KLHL2: variants seen among roughly 807,000 people sequenced by gnomAD.
KLHL2 encodes kelch-like protein 2.
In KLHL2, 15 loss-of-function variants were observed where a neutral mutation model predicts 75.8. The observed-to-expected ratio is 0.20, with a 90% CI of 0.13 to 0.30. The LOEUF is 0.30. Ranked by LOEUF, KLHL2 falls within the 10% of genes least tolerant of loss-of-function variation. The pLI, the probability that KLHL2 is intolerant of heterozygous loss-of-function variation, is 1.00. For missense variants in KLHL2, 381 were observed against 741.0 expected, an observed-to-expected ratio of 0.51 and a Z score of 5.64; for synonymous variants, 214 against 251.9, an observed-to-expected ratio of 0.85 and a Z score of 1.42.
At position 165,254,689 on chromosome 4, in the gene KLHL2, G is replaced by A. The variant is rs192740780; in HGVS notation, c.382-8508G>A. Reference sequence around the variant, plus strand: ...CTAGAAAGAAAAGTAAAAACATTTTGTATTGTAGTTATAAAATGCACTCTC... The same window carrying A: ...CTAGAAAGAAAAGTAAAAACATTTTATATTGTAGTTATAAAATGCACTCTC... On this transcript the variant is annotated intron_variant, in intron 4 of 14. Transcript: ENST00000226725. Among the ~76,000 whole-genome samples, 5 of 152,298 alleles carry A rather than the reference G, an allele frequency of 3.3e-5. No individual in the cohort carries two copies. The East Asian group carries it at 9.6e-4, about 29-fold the overall frequency.
chr4:165,304,974 G>A (rs1285713070), intron 8 of KLHL2, among the ~76,000 whole-genome samples: 1 of 152,140 alleles, frequency 6.6e-6, no homozygotes, highest in African/African-American at 2.4e-5. Context: ...ATTCTCAAAA[G>A]TAGACTTTTA....
At chr4:165,254,645 T>A (rs1741019608) in intron 4 of KLHL2, among the ~76,000 whole-genome samples, 1 of 152,202 alleles carries the variant, frequency 6.6e-6, no homozygotes, top group South Asian at 2.1e-4. Context: ...AAACATTTTG[T>A]TGTTTGAATT....
chr4:165,301,182 G>A (rs1429545160), intron 8 of KLHL2, among the ~76,000 whole-genome samples: 1 of 152,094 alleles, frequency 6.6e-6, no homozygotes, highest in African/African-American at 2.4e-5. Flanking sequence ...AAGTAGTTTG[G>A]CATATAACAT....
intron 5 of KLHL2, among the ~76,000 whole-genome samples, chr4:165,264,585 C>CATATAT (rs55960426): frequency 1.5e-4 from 20 of 129,404 alleles, no homozygotes; most frequent in South Asian, 4.9e-4. Context: ...AGTATTCCAT[C>CATATAT]ATATATATAT....
chr4:165,257,294 G>A (rs778249573), intron 4 of KLHL2, among the ~76,000 whole-genome samples: 1 of 152,244 alleles, frequency 6.6e-6, no homozygotes, highest in Non-Finnish European at 1.5e-5. Context: ...ATAGCTACAT[G>A]TGACGGGACC....
intron 4 of KLHL2, among the ~76,000 whole-genome samples, chr4:165,251,201 GTACT>G (rs1740674939): frequency 1.3e-5 from 2 of 151,220 alleles, no homozygotes; most frequent in Admixed American, 6.6e-5. Context: ...ATAACCATGG[GTACT>G]TATATCATTG....
chr4:165,290,135 T>C (rs1744398171), intron 5 of KLHL2, among the ~76,000 whole-genome samples: 1 of 152,124 alleles, frequency 6.6e-6, no homozygotes, highest in African/African-American at 2.4e-5. Flanking sequence ...TCTCAATATT[T>C]TAGAGCTCTT....
At chr4:165,317,737 C>A in intron 13 of KLHL2, 89 bp from the exon 14 acceptor site, 1 of 960,980 alleles carries the variant, frequency 1.0e-6, no homozygotes, top group Non-Finnish European at 1.6e-6. Context: ...AAATTAGTGT[C>A]TCTGGATTAC....
intron 4 of KLHL2, among the ~76,000 whole-genome samples, chr4:165,260,578 G>T (rs79178371): frequency 6.8e-6 from 1 of 147,686 alleles, no homozygotes; most frequent in Non-Finnish European, 1.5e-5. Flanking sequence ...GTGTGTGTGT[G>T]GGGGGGGTGT....
At chr4:165,275,687 C>G (rs1743026469) in intron 5 of KLHL2, among the ~76,000 whole-genome samples, 1 of 152,218 alleles carries the variant, frequency 6.6e-6, no homozygotes, top group Non-Finnish European at 1.5e-5. Flanking sequence ...AGCAGTCCTC[C>G]TGCCTTGGCT....
chr4:165,238,726 C>A (rs1739565116), intron 3 of KLHL2, 52 bp from the exon 4 acceptor site: 20 of 1,607,954 alleles, frequency 1.2e-5, no homozygotes, highest in Middle Eastern at 3.3e-4. Context: ...GGCATTGGAA[C>A]TTCCACAGCA....
intron 4 of KLHL2, among the ~76,000 whole-genome samples, chr4:165,261,141 A>G (rs1354456821): frequency 1.3e-5 from 2 of 152,078 alleles, no homozygotes; most frequent in Non-Finnish European, 2.9e-5. Flanking sequence ...GCTGAATTAA[A>G]TGGCTGTACT....
At chr4:165,208,007 G>C in intron 1 of KLHL2, 105 bp downstream of exon 1, 1 of 764,396 alleles carries the variant, frequency 1.3e-6, no homozygotes, top group Non-Finnish European at 1.7e-6. Context: ...CGGGGCCGGC[G>C]GGAGGTGGGA....
At chr4:165,253,810 TCATAA>T (rs1394332356) in intron 4 of KLHL2, among the ~76,000 whole-genome samples, 6 of 152,280 alleles carry the variant, frequency 3.9e-5, no homozygotes, top group Non-Finnish European at 5.9e-5. Flanking sequence ...GACTTCTTCC[TCATAA>T]CATATTTGTG....
At chr4:165,233,197 A>G (rs566903124) in intron 3 of KLHL2, among the ~76,000 whole-genome samples, 13 of 152,342 alleles carry the variant, frequency 8.5e-5, no homozygotes, top group African/African-American at 3.1e-4. Context: ...GTGAAAAGTA[A>G]TTCTGTGAAG....
At chr4:165,261,442 G>A (rs1741667485) in intron 4 of KLHL2, among the ~76,000 whole-genome samples, 1 of 152,154 alleles carries the variant, frequency 6.6e-6, no homozygotes, top group South Asian at 2.1e-4. Context: ...CAGGGTTCAA[G>A]TGATGCTCCT....
chr4:165,290,597 T>C (rs1370275558), intron 5 of KLHL2, among the ~76,000 whole-genome samples: 1 of 152,194 alleles, frequency 6.6e-6, no homozygotes, highest in East Asian at 1.9e-4. Flanking sequence ...TATAAACTTC[T>C]GGTAAAGTCA....
At chr4:165,311,845 G>T (rs1746223255) in intron 11 of KLHL2, among the ~76,000 whole-genome samples, 1 of 143,808 alleles carries the variant, frequency 7.0e-6, no homozygotes, top group African/African-American at 2.7e-5. Context: ...GTGTGTGTGT[G>T]TTTGACTTAT....
At chr4:165,278,533 A>G (rs756224287) in intron 5 of KLHL2, 78 of 1,609,962 alleles carry the variant, frequency 4.8e-5, no homozygotes, top group Non-Finnish European at 6.3e-5. Context: ...TGGGCTCCCA[A>G]TAAGGTGCAT....
Sources: allele counts gnomAD v4.1 joint callset (sites outside exome capture counted in the v4.1 genomes callset), GRCh38; gene constraint gnomAD v4.1.1; transcripts MANE v1.5; gene names NCBI Gene and HGNC (gene_info 2026-07-23, HGNC 2026-07-21).